SRCAP: variants seen among roughly 807,000 people sequenced by gnomAD.
The protein encoded by SRCAP is chromatin remodeling protein SRCAP.
In SRCAP, 46 loss-of-function variants were observed where a neutral mutation model predicts 263.1. That is an observed-to-expected ratio of 0.17 (90% CI 0.14 to 0.22). The LOEUF (loss-of-function observed/expected upper bound fraction) is 0.22, where lower values mean the gene tolerates loss of function less well. SRCAP is among the 10% of genes least tolerant of loss of function. The pLI is 1.00. For synonymous variants in SRCAP, 1,813 were observed against 1,662.1 expected (o/e 1.09, Z -2.21); for missense variants, 3,695 against 4,181.9 (o/e 0.88, Z 3.21).
chr16:30,708,681 A>G (rs2151286905), intron 6 of SRCAP, among the ~76,000 whole-genome samples: 1 of 152,244 alleles, frequency 6.6e-6, no homozygotes, highest in Admixed American at 6.5e-5. Context: ...GACGTGAGCC[A>G]CCGCACCTGG....
chr16:30,716,468 C>T lies in SRCAP; in HGVS notation c.2806C>T (p.His936Tyr). 6.2e-7 allele frequency: 1 copy of T among 1,612,612 alleles called. No homozygotes were observed. Among genetic ancestry groups the T allele is most frequent in the Non-Finnish European group, 8.5e-7 (1 of 1,179,322 alleles). ...TCTGGTGCTAAGGGCCACGGATGTC[C>T]ATCCCCTCCAGGTAAGTATGATTCC... ...ASLVLRATDV[H>Y]PLQRIDMGRF... The change falls in exon 18 of 34, where the codon CAT (histidine) becomes TAT (tyrosine). Residue 936 changes from histidine to tyrosine, a missense_variant. By Grantham distance (83) the His-to-Tyr change is moderately conservative. Around this residue, in one of 12 missense-constraint regions of SRCAP, gnomAD observed 147 missense variants for 212.7 expected, o/e 0.69. Transcript: ENST00000262518.
At chr16:30,705,355 G>A (rs1005031237) in intron 4 of SRCAP, among the ~76,000 whole-genome samples, 1 of 151,968 alleles carries the variant, frequency 6.6e-6, no homozygotes, top group South Asian at 2.1e-4. Flanking sequence ...AAACTATGAG[G>A]GTAGGGCCCA....
Position 30,707,743 on chromosome 16 carries a change from G to A in SRCAP, c.633+31G>A, listed in dbSNP as rs2052843450. 1.9e-6 allele frequency: 3 copies of A among 1,612,758 alleles called. No individual in the cohort carries two copies. The East Asian group carries it at 6.7e-5, about 36-fold the overall frequency. ...CAGTGGGGATCAGGAAAGGAAAATG[G>A]CCTTGGATTAGATTGGTAGATGGCG... On this transcript the variant is annotated intron_variant, in intron 6 of 33. Transcript: ENST00000262518.
chr16:30,732,500 C>T (rs1036330614), intron 27 of SRCAP, among the ~76,000 whole-genome samples: 1 of 151,736 alleles, frequency 6.6e-6, no homozygotes, highest in Non-Finnish European at 1.5e-5. Flanking sequence ...AACTGTGTTA[C>T]CAGAAATGTT....
chr16:30,720,782 G>A lies in SRCAP; in HGVS notation c.3057G>A (p.Leu1019=). 1 of 1,614,050 alleles carries A rather than the reference G, an allele frequency of 6.2e-7. No homozygotes were observed. The highest frequency in any genetic ancestry group is 8.5e-7 in the Non-Finnish European group (1 of 1,180,014). ...TGGTGAACAACCCACGGGCGCCCCT[G>A]GGCCCTGTCCCAGTTCGACCTCCTC... ...VVVVNNPRAP[L]GPVPVRPPPG... is the part of the protein sequence containing the mutation. Residue 1019 remains leucine (L), a synonymous_variant, in exon 20 of 34, where the codon CTG becomes CTA. Transcript: ENST00000262518.
intron 15 of SRCAP, 64 bp from the exon 16 acceptor site, chr16:30,713,455 G>C: frequency 1.9e-6 from 3 of 1,611,238 alleles, no homozygotes; most frequent in South Asian, 1.1e-5. Flanking sequence ...GAATGTATCA[G>C]AATGCTCAGA....
chr16:30,717,788 T>C (rs2052967629), intron 18 of SRCAP, among the ~76,000 whole-genome samples: 1 of 151,830 alleles, frequency 6.6e-6, no homozygotes, highest in African/African-American at 2.4e-5. Flanking sequence ...TTTGTGTTTT[T>C]AGTAGAGATG....
chr16:30,734,620 A>G lies in SRCAP; in HGVS notation c.6729+5A>G. The G allele has an allele frequency of 6.2e-7, 1 of 1,614,074 alleles. No individual in the cohort carries two copies. Among genetic ancestry groups the G allele is most frequent in the Non-Finnish European group, 8.5e-7 (1 of 1,179,986 alleles). On this transcript the variant is annotated splice_donor_5th_base_variant and intron_variant, in intron 31 of 33. Transcript: ENST00000262518. ...CAGACTCATATTCTGGAGCAGGTAA[A>G]AAAAGAGTGGGCAGTTCGTAAAGTT...
Position 30,721,240 on chromosome 16 carries a change from C to G in SRCAP, c.3305C>G (p.Pro1102Arg). The part of the protein sequence containing the change: ...VLSGTSRPPT[P>R]TLSLKPTPPA... Reference sequence around the variant, plus strand: ...AGTGGGACCTCACGGCCTCCCACGCCAACCTTGTCCCTAAAGCCAACACCA... The same window carrying G: ...AGTGGGACCTCACGGCCTCCCACGCGAACCTTGTCCCTAAAGCCAACACCA... The change falls in exon 21 of 34, where the codon CCA becomes CGA. Residue 1102 changes from proline (P) to arginine (R), a missense_variant. Coordinates refer to ENST00000262518, the MANE Select transcript of SRCAP (RefSeq NM_006662.3). 6.2e-7 allele frequency: 1 copy of G among 1,614,002 alleles called. No individual in the cohort carries two copies. Among genetic ancestry groups the G allele is most frequent in the Non-Finnish European group, 8.5e-7 (1 of 1,179,942 alleles).
intron 2 of SRCAP, 143 bp downstream of exon 2, chr16:30,700,124 T>C (rs1329164014): frequency 1.3e-5 from 2 of 152,224 alleles, no homozygotes; most frequent in African/African-American, 4.8e-5. Flanking sequence ...AGGGTTTGAT[T>C]ATAGTACAAC....
chr16:30,723,891 A>T lies in SRCAP; in HGVS notation c.4467A>T (p.Gly1489=). The T allele has an allele frequency of 6.2e-7, 1 of 1,613,658 alleles. No individual in the cohort carries two copies. Among genetic ancestry groups the T allele is most frequent in the Non-Finnish European group, 8.5e-7 (1 of 1,179,918 alleles). ...PLAPVVPAAP[G]PPSLAPSGAS... is the part of the protein sequence containing the mutation. ...CACCTGTTGTCCCAGCGGCTCCTGG[A>T]CCTCCCTCCTTGGCACCATCTGGTG... Residue 1489 remains glycine, a synonymous_variant, in exon 25 of 34, where the codon GGA becomes GGT. Coordinates refer to ENST00000262518, the MANE Select transcript of SRCAP (RefSeq NM_006662.3).
Position 30,707,644 on chromosome 16 carries a change from G to T in SRCAP, c.565G>T (p.Ala189Ser), listed in dbSNP as rs781590472. ...GGAACGGGCCCGGAGGGAGGAGCAG[G>T]CCAAGCTGCGTCGAATTGCTTCCAC... ...KEERARREEQ[A>S]KLRRIASTMA... Residue 189 changes from alanine (A) to serine (S), a missense_variant, in exon 6 of 34, where the codon GCC becomes TCC. Ala to Ser is a moderately conservative substitution (Grantham distance 99, BLOSUM62 1). Around this residue, in one of 12 missense-constraint regions of SRCAP, gnomAD observed 107 missense variants for 223.8 expected, o/e 0.48. Transcript: ENST00000262518. The T allele has an allele frequency of 6.2e-7, 1 of 1,614,038 alleles. No individual in the cohort carries two copies. The highest frequency in any genetic ancestry group is 1.3e-5 in the African/African-American group (1 of 74,932).
chr16:30,710,762 C>G lies in SRCAP; in HGVS notation c.1143C>G (p.Pro381=). ...TATCTTTTGCCATACAGATAAAGCC[C>G]CCACCCTCTGCTGTCACACAGCGCA... ...EEPPQVLEIK[P]PPSAVTQRNK... is the part of the protein sequence containing the mutation. The change falls in exon 9 of 34, where the codon CCC becomes CCG. Residue 381 remains proline (P), a synonymous_variant. Coordinates refer to ENST00000262518, the MANE Select transcript of SRCAP (RefSeq NM_006662.3). The G allele has an allele frequency of 6.2e-7, 1 of 1,614,172 alleles. No homozygotes were observed. Among genetic ancestry groups the G allele is most frequent in the Non-Finnish European group, 8.5e-7 (1 of 1,180,024 alleles).
Position 30,704,044 on chromosome 16 carries a change from A to G in SRCAP, c.55-20A>G, listed in dbSNP as rs1340971941. Reference sequence around the variant, plus strand: ...ACAGTGCGAAGCATTTATTTTCTCCATCATTTTCCTCTTTTCTAGATGGTG... The same window carrying G: ...ACAGTGCGAAGCATTTATTTTCTCCGTCATTTTCCTCTTTTCTAGATGGTG... On this transcript the variant is annotated intron_variant, in intron 3 of 33. Coordinates refer to ENST00000262518, the MANE Select transcript of SRCAP (RefSeq NM_006662.3). 3.8e-6 allele frequency: 6 copies of G among 1,599,048 alleles called. No individual in the cohort carries two copies. Among genetic ancestry groups the G allele is most frequent in the Non-Finnish European group, 5.1e-6 (6 of 1,170,788 alleles).
chr16:30,701,875 A>AC (rs946826269), intron 3 of SRCAP, among the ~76,000 whole-genome samples: 10 of 149,574 alleles, frequency 6.7e-5, no homozygotes, highest in African/African-American at 2.5e-4. Context: ...CAGGTGATCC[A>AC]CCCACCTTGG....
In SRCAP at chr16:30,713,200, T is replaced by TC; in HGVS notation, c.2131-5dup. 6.2e-7 allele frequency: 1 copy of TC among 1,613,050 alleles called. No homozygotes were observed. Among genetic ancestry groups the TC allele is most frequent in the Non-Finnish European group, 8.5e-7 (1 of 1,179,240 alleles). On this transcript the variant is annotated splice_region_variant and splice_polypyrimidine_tract_variant and intron_variant, in intron 14 of 33. Coordinates refer to ENST00000262518, the MANE Select transcript of SRCAP (RefSeq NM_006662.3). The stretch of plus-strand genomic sequence containing the variant: ...ACTATCTGCTACTTTCTGTCTTTGA[T>TC]CCCTCAGGGCTGGACCAAGCCCAAT...
chr16:30,717,665 T>G (rs1249988474), intron 18 of SRCAP, among the ~76,000 whole-genome samples: 1 of 128,398 alleles, frequency 7.8e-6, no homozygotes, highest in Non-Finnish European at 1.5e-5. Context: ...CAGGCTGGAG[T>G]GCAGTGGTGC....
intron 3 of SRCAP, among the ~76,000 whole-genome samples, chr16:30,702,439 G>A (rs980433862): frequency 6.6e-6 from 1 of 151,864 alleles, no homozygotes; most frequent in African/African-American, 2.4e-5. Flanking sequence ...TCACCATGTA[G>A]GTTAGGCTGG....
At chr16:30,704,465 T>G (rs1421151174) in intron 4 of SRCAP, 150 bp downstream of exon 4, 3 of 908,398 alleles carry the variant, frequency 3.3e-6, no homozygotes, top group Non-Finnish European at 4.9e-6. Context: ...GCAAACTGCT[T>G]GAATATTGAG....
Sources: allele counts gnomAD v4.1 joint callset (sites outside exome capture counted in the v4.1 genomes callset), GRCh38; gene constraint gnomAD v4.1.1; regional missense constraint gnomAD v4.1.1; transcripts MANE v1.5; gene names NCBI Gene and HGNC (gene_info 2026-07-23, HGNC 2026-07-21).